CHCHD3: variants seen among roughly 807,000 people sequenced by gnomAD.
CHCHD3 encodes MICOS complex subunit MIC19.
A neutral mutation model predicts 38.2 loss-of-function variants in CHCHD3; 20 were observed. The ratio of observed to expected loss-of-function variants is 0.52; its 90% CI spans 0.37 to 0.76. CHCHD3 has a LOEUF of 0.76. Among genes scored for constraint, CHCHD3 ranks in the 30% least tolerant of loss-of-function variants. CHCHD3 has a pLI of 0.00. For missense variants in CHCHD3, 245 were observed against 279.2 expected (o/e 0.88, Z 0.87); for synonymous variants, 82 against 100.0 (o/e 0.82, Z 1.07).
intron 6 of CHCHD3, among the ~76,000 whole-genome samples, chr7:132,810,487 G>A (rs780249384): frequency 6.6e-6 from 1 of 152,138 alleles, no homozygotes; most frequent in African/African-American, 2.4e-5. Context: ...CAGAGGACAG[G>A]CAAGATTTAG....
intron 2 of CHCHD3, among the ~76,000 whole-genome samples, chr7:133,043,937 T>C (rs1399838602): frequency 1.3e-5 from 2 of 152,216 alleles, no homozygotes; most frequent in Non-Finnish European, 2.9e-5. Context: ...AGTAGTCTAG[T>C]GAAAAGCATC....
chr7:133,056,945 T>G (rs965429258), intron 2 of CHCHD3, among the ~76,000 whole-genome samples: 13 of 145,394 alleles, frequency 8.9e-5, no homozygotes, highest in Non-Finnish European at 5.9e-5. Flanking sequence ...ATGAGCTCAC[T>G]CTCTCTCTCT....
At position 133,034,508 on chromosome 7, in the gene CHCHD3, C is replaced by CTTTTTTTTTTTTTTTTT. The variant is rs146912120; in HGVS notation, c.170-9898_170-9882dup. On this transcript the variant is annotated intron_variant, in intron 2 of 7. Transcript: ENST00000262570. ...AGTCCTTTCAGCAATTGGATCCAGT[C>CTTTTTTTTTTTTTTTTT]TTTTTTTTTTTTTTTTTTTTTTCAA... The CTTTTTTTTTTTTTTTTT allele has an allele frequency of 4.3e-4, 122 of 285,188 alleles. 8 individuals carry two copies. Among genetic ancestry groups the CTTTTTTTTTTTTTTTTT allele is most frequent in the South Asian group, 6.3e-4 (19 of 30,140 alleles). The allele number at this position is 285,188 out of a possible 1,614,324, so 17.7% of individuals were successfully genotyped here.
At chr7:132,927,881 A>G (rs763425429) in intron 4 of CHCHD3, among the ~76,000 whole-genome samples, 5 of 152,210 alleles carry the variant, frequency 3.3e-5, no homozygotes, top group Non-Finnish European at 2.9e-5. Flanking sequence ...AAGTATCTCA[A>G]CCTACTCCTA....
intron 3 of CHCHD3, among the ~76,000 whole-genome samples, chr7:133,019,872 A>T (rs1323494065): frequency 6.6e-6 from 1 of 152,234 alleles, no homozygotes; most frequent in Non-Finnish European, 1.5e-5. Flanking sequence ...GAAGTAAATC[A>T]TATTTTTAAA....
intron 6 of CHCHD3, among the ~76,000 whole-genome samples, chr7:132,823,899 T>C (rs906872232): frequency 1.3e-5 from 2 of 152,210 alleles, no homozygotes; most frequent in Non-Finnish European, 2.9e-5. Flanking sequence ...TCAATTGGTA[T>C]GAAAAGATGA....
At chr7:133,033,342 A>G (rs960734932) in intron 2 of CHCHD3, among the ~76,000 whole-genome samples, 1 of 152,178 alleles carries the variant, frequency 6.6e-6, no homozygotes, top group African/African-American at 2.4e-5. Context: ...GCACAGGACA[A>G]TTCTTGGAGA....
intron 3 of CHCHD3, among the ~76,000 whole-genome samples, chr7:133,009,156 G>C (rs1056323795): frequency 3.3e-5 from 5 of 151,848 alleles, no homozygotes; most frequent in African/African-American, 9.7e-5. Context: ...CTGAGGCCAG[G>C]AGCTTGAGAC....
At chr7:132,958,503 A>T (rs1262776636) in intron 4 of CHCHD3, among the ~76,000 whole-genome samples, 1 of 152,238 alleles carries the variant, frequency 6.6e-6, no homozygotes, top group Non-Finnish European at 1.5e-5. Context: ...GGTATTAAAG[A>T]GTATCATGAT....
chr7:132,985,842 G>C (rs1479136970), intron 3 of CHCHD3, among the ~76,000 whole-genome samples: 1 of 122,490 alleles, frequency 8.2e-6, no homozygotes, highest in African/African-American at 3.0e-5. Context: ...GCCTCTGCCC[G>C]GCCGCCCCTA....
intron 2 of CHCHD3, among the ~76,000 whole-genome samples, chr7:133,027,062 C>G (rs1184759149): frequency 6.6e-6 from 1 of 151,788 alleles, no homozygotes; most frequent in African/African-American, 2.4e-5. Context: ...CTCAGCCTCC[C>G]GAGTAGCTGG....
chr7:132,935,155 C>A (rs1483568085), intron 4 of CHCHD3, among the ~76,000 whole-genome samples: 1 of 152,192 alleles, frequency 6.6e-6, no homozygotes, highest in Non-Finnish European at 1.5e-5. Flanking sequence ...TCACAAATGC[C>A]TACTGGCAAA....
chr7:133,007,486 A>G (rs1812731658), intron 3 of CHCHD3, among the ~76,000 whole-genome samples: 1 of 152,182 alleles, frequency 6.6e-6, no homozygotes, highest in Admixed American at 6.5e-5. Context: ...TTGAGACCCT[A>G]GCAAGCAGGT....
Position 132,888,538 on chromosome 7 carries a change from T to C in CHCHD3, c.370-2793A>G, listed in dbSNP as rs548454308. Among the ~76,000 whole-genome samples, 95 of 151,984 alleles carry C rather than the reference T, an allele frequency of 6.3e-4. 1 individual carries two copies. The highest frequency in any genetic ancestry group is 1.2e-3 in the Non-Finnish European group (79 of 67,884). ...GTATAAATCATTATTATCATTAATC[T>C]TCTTATGTGGCCAATTTCACTTCCA... On this transcript the variant is annotated intron_variant, in intron 4 of 7. Transcript: ENST00000262570.
At chr7:132,930,021 T>C (rs529384123) in intron 4 of CHCHD3, among the ~76,000 whole-genome samples, 6 of 152,302 alleles carry the variant, frequency 3.9e-5, no homozygotes, top group Non-Finnish European at 7.4e-5. Context: ...TACATACCCT[T>C]GGAATTGCTT....
chr7:132,920,167 A>G lies in CHCHD3; in HGVS notation c.370-34422T>C, dbSNP rs1196048861. ...ACTCTAATGCTGGCATCAACAAACT[A>G]TGGCCCAAATCTTGCCTTTTGGAAA... On this transcript the variant is annotated intron_variant, in intron 4 of 7. Transcript: ENST00000262570. Among the ~76,000 whole-genome samples, 5 of 152,196 alleles carry G rather than the reference A, an allele frequency of 3.3e-5. No homozygotes were observed. The South Asian group carries it at 1.0e-3, about 32-fold the overall frequency.
intron 2 of CHCHD3, among the ~76,000 whole-genome samples, chr7:133,050,777 G>A (rs1227830258): frequency 6.6e-6 from 1 of 152,128 alleles, no homozygotes; most frequent in Non-Finnish European, 1.5e-5. Context: ...TACTTTGGGA[G>A]GATGAGGGAG....
At chr7:132,998,532 A>C (rs116396714) in intron 3 of CHCHD3, among the ~76,000 whole-genome samples, 2,965 of 152,286 alleles carry the variant, frequency 0.019, 105 homozygotes, top group African/African-American at 0.068. Flanking sequence ...CATTCATCAG[A>C]AATTTTAGAA....
chr7:132,807,097 G>C (rs991888529), intron 6 of CHCHD3, among the ~76,000 whole-genome samples: 1 of 152,204 alleles, frequency 6.6e-6, no homozygotes. Context: ...ATTCTGGTGA[G>C]TAAGCCCACG....
Sources: gnomAD v4.1 joint callset for allele counts (sites outside exome capture counted in the v4.1 genomes callset) on GRCh38, gnomAD v4.1.1 for gene constraint, MANE v1.5 for transcripts, NCBI Gene and HGNC (gene_info 2026-07-23, HGNC 2026-07-21) for gene names.